Variants in ASPM observed in about 807,000 individuals in gnomAD.
The protein encoded by ASPM is abnormal spindle-like microcephaly-associated protein.
ASPM carries 256 observed loss-of-function variants against 366.4 expected under a neutral mutation model. That is an observed-to-expected ratio of 0.70 (90% CI 0.63 to 0.77). ASPM has a LOEUF of 0.77. Ranked by LOEUF, ASPM falls within the 30% of genes least tolerant of loss-of-function variation. The pLI, the probability that ASPM is intolerant of heterozygous loss-of-function variation, is 0.00. For synonymous variants in ASPM, 1,414 were observed against 1,342.9 expected, an observed-to-expected ratio of 1.05 and a Z score of -1.16; for missense variants, 4,146 against 4,090.4, an observed-to-expected ratio of 1.01 and a Z score of -0.37.
intron 25 of ASPM, 94 bp downstream of exon 25, chr1:197,089,836 A>G (rs1035864785): frequency 1.3e-5 from 15 of 1,188,394 alleles, no homozygotes; most frequent in East Asian, 2.3e-5. Flanking sequence ...TTTAACTTAG[A>G]GATTTAAGCC....
At chr1:197,108,971 CAAAA>C (rs564818123) in intron 17 of ASPM, among the ~76,000 whole-genome samples, 1 of 69,742 alleles carries the variant, frequency 1.4e-5, no homozygotes, top group Non-Finnish European at 2.6e-5. Flanking sequence ...ACCCTGTCTC[CAAAA>C]AAAAAAAAAA....
In ASPM at chr1:197,100,873, A is replaced by T; in HGVS notation, c.8378T>A (p.Met2793Lys). The change falls in exon 18 of 28, where the codon ATG (methionine) becomes AAG (lysine). Residue 2793 changes from methionine to lysine, a missense_variant. By Grantham distance (95) the Met-to-Lys change is moderately conservative. Transcript: ENST00000367409. ...QYEAVQSEGV[M>K]IQEWYKASGL... ...AGAAGCTTTATACCACTCTTGAATC[A>T]TAACACCTTCACTTTGAACAGCTTC... is the stretch of plus-strand genomic sequence containing the variant. 1 of 1,612,686 alleles carries T rather than the reference A, an allele frequency of 6.2e-7. No individual in the cohort carries two copies. Among genetic ancestry groups the T allele is most frequent in the Non-Finnish European group, 8.5e-7 (1 of 1,179,154 alleles).
intron 18 of ASPM, among the ~76,000 whole-genome samples, chr1:197,099,569 T>C (rs943061242): frequency 6.6e-6 from 1 of 151,674 alleles, no homozygotes; most frequent in Non-Finnish European, 1.5e-5. Flanking sequence ...TCCTGAAACA[T>C]ACACTTCTCA....
In ASPM at chr1:197,103,187, C is replaced by T. The variant is rs755324084; in HGVS notation, c.6064G>A (p.Ala2022Thr). 4 of 1,612,542 alleles carry T rather than the reference C, an allele frequency of 2.5e-6. No individual in the cohort carries two copies. Among genetic ancestry groups the T allele is most frequent in the Admixed American group, 1.7e-5 (1 of 59,726 alleles). ...GCTGACTGTAAAGTTACTACAGCTG[C>T]TTTTGTTTTCAAATATAAATGATTC... is the stretch of plus-strand genomic sequence containing the variant. Reference protein sequence around the residue: ...EQNHLYLKTKAAVVTLQSAYR... With the variant: ...EQNHLYLKTKTAVVTLQSAYR... Residue 2022 changes from alanine to threonine, a missense_variant, in exon 18 of 28, where the codon GCA becomes ACA. Around this residue, in one of 3 missense-constraint regions of ASPM, gnomAD observed 3,624 missense variants for 3,591.7 expected, o/e 1.01. Coordinates refer to ENST00000367409, the MANE Select transcript of ASPM (RefSeq NM_018136.5).
chr1:197,098,558 T>G (rs1052700384), intron 18 of ASPM, among the ~76,000 whole-genome samples: 2 of 151,746 alleles, frequency 1.3e-5, no homozygotes, highest in African/African-American at 2.4e-5. Context: ...ATGAACACCT[T>G]TCAATTGTGA....
chr1:197,135,125 TC>T lies in ASPM; in HGVS notation c.2143del (p.Asp715ThrfsTer4). 6 of 1,604,332 alleles carry T rather than the reference TC, an allele frequency of 3.7e-6. No homozygotes were observed. The highest frequency in any genetic ancestry group is 5.1e-6 in the Non-Finnish European group (6 of 1,171,304). ...WWLNFILTPD[D>X]FTVKTNISEV... ...AGAAATATTTGTTTTTACAGTGAAG[TC>T]ATCAGGGGTTAATATAAAATTTAAC... On this transcript the variant is annotated frameshift_variant, in exon 5 of 28. Transcript: ENST00000367409. LOFTEE classifies it high-confidence loss of function.
chr1:197,094,219 T>TCC, intron 19 of ASPM, 39 bp from the exon 20 acceptor site: 1 of 1,285,052 alleles, frequency 7.8e-7, no homozygotes, highest in Non-Finnish European at 1.1e-6. Context: ...CAAATTACTT[T>TCC]AACTTATTCA....
chr1:197,146,599 A>G lies in ASPM; in HGVS notation c.-162T>C, dbSNP rs1318904384. ...TCTTTTCCACTAACCTACTCCCTAG[A>G]AAACAGAAAACAAGCCCAATAAACT... On this transcript the variant is annotated 5_prime_UTR_variant, in exon 1 of 28. Coordinates refer to ENST00000367409, the MANE Select transcript of ASPM (RefSeq NM_018136.5). 1 of 699,610 alleles carries G rather than the reference A, an allele frequency of 1.4e-6. No individual in the cohort carries two copies. The highest frequency in any genetic ancestry group is 2.4e-6 in the Non-Finnish European group (1 of 417,980). 43.3% of individuals were successfully genotyped at this position (699,610 alleles called of 1,614,324 possible). A position where few individuals can be genotyped will look rare whatever the true frequency, so the allele number is the denominator to read the frequency against.
At position 197,088,339 on chromosome 1, in the gene ASPM, T is replaced by A; in HGVS notation, c.10078A>T (p.Lys3360Ter). The change falls in exon 26 of 28, where the codon AAA becomes TAA. Residue 3360 changes from lysine to a stop codon, truncating the protein, a stop_gained. Transcript: ENST00000367409. LOFTEE classifies it high-confidence loss of function. ...ATGCTTCCGCCTTTGTCTGCAACTT[T>A]ATTACCAGGCTTTTCTCGGTATATC... ...LQIYREKPGN[K>*]VADKGGSIFT... 1 of 1,613,478 alleles carries A rather than the reference T, an allele frequency of 6.2e-7. No individual in the cohort carries two copies. The highest frequency in any genetic ancestry group is 8.5e-7 in the Non-Finnish European group (1 of 1,179,684).
intron 4 of ASPM, among the ~76,000 whole-genome samples, chr1:197,138,308 T>A (rs1658479368): frequency 6.7e-6 from 1 of 150,002 alleles, no homozygotes; most frequent in Admixed American, 6.6e-5. Context: ...AGTTCACACC[T>A]TTTTATTTCT....
Position 197,103,169 on chromosome 1 carries a change from G to A in ASPM, c.6082C>T (p.Gln2028Ter), listed in dbSNP as rs1553223496. The change falls in exon 18 of 28, where the codon CAG (glutamine) becomes TAG (stop). Residue 2028 changes from glutamine to a stop codon, truncating the protein, a stop_gained. Coordinates refer to ENST00000367409, the MANE Select transcript of ASPM (RefSeq NM_018136.5). LOFTEE classifies it high-confidence loss of function. ...LKTKAAVVTL[Q>*]SAYRGMKVRK... ...ACTTTCATACCACGATAAGCTGACT[G>A]TAAAGTTACTACAGCTGCTTTTGTT... The A allele has an allele frequency of 4.3e-6, 7 of 1,612,604 alleles. No homozygotes were observed. The highest frequency in any genetic ancestry group is 5.9e-6 in the Non-Finnish European group (7 of 1,179,316).
At chr1:197,106,636 T>C (rs1405480723) in intron 17 of ASPM, among the ~76,000 whole-genome samples, 1 of 152,044 alleles carries the variant, frequency 6.6e-6, no homozygotes, top group Non-Finnish European at 1.5e-5. Flanking sequence ...TATGATCATC[T>C]CCTCTCCTAA....
chr1:197,143,182 ATTG>A lies in ASPM; in HGVS notation c.1067_1069del (p.Thr356del). ...AATTTTCTGATAAATTTCATGTGCA[ATTG>A]TTGATTCCAAATGCACAGGCTGTGA... is the stretch of plus-strand genomic sequence containing the variant. On this transcript the variant is annotated inframe_deletion, in exon 3 of 28. Transcript: ENST00000367409. 2 of 1,613,500 alleles carry A rather than the reference ATTG, an allele frequency of 1.2e-6. No individual in the cohort carries two copies. The highest frequency in any genetic ancestry group is 1.7e-4 in the Middle Eastern group (1 of 6,058).
At chr1:197,126,426 T>G (rs1658090194) in intron 10 of ASPM, among the ~76,000 whole-genome samples, 1 of 102,850 alleles carries the variant, frequency 9.7e-6, no homozygotes, top group Non-Finnish European at 1.8e-5. Context: ...GGTGACAGAG[T>G]GAGACTCTGT....
At position 197,092,018 on chromosome 1, in the gene ASPM, G is replaced by C. The variant is rs1183718166; in HGVS notation, c.9333C>G (p.Phe3111Leu). 1 of 1,611,986 alleles carries C rather than the reference G, an allele frequency of 6.2e-7. No homozygotes were observed. The highest frequency in any genetic ancestry group is 1.3e-5 in the African/African-American group (1 of 74,916). ...TCAGGTGATAATATGCAGCTGCAGT[G>C]AAGTGAAGAAGTCGAATTTTGGCTC... The part of the protein sequence containing the change: ...EQRAKIRLLH[F>L]TAAAYYHLNA... The change falls in exon 22 of 28, where the codon TTC (phenylalanine) becomes TTG (leucine). Residue 3111 changes from phenylalanine to leucine, a missense_variant. Physicochemically the swap from Phe to Leu is conservative, Grantham distance 22. Around this residue, in one of 3 missense-constraint regions of ASPM, gnomAD observed 3,624 missense variants for 3,591.7 expected, o/e 1.01. Coordinates refer to ENST00000367409, the MANE Select transcript of ASPM (RefSeq NM_018136.5).
chr1:197,133,171 A>G (rs1658315353), intron 6 of ASPM, among the ~76,000 whole-genome samples, 179 bp downstream of exon 6: 1 of 152,246 alleles, frequency 6.6e-6, no homozygotes, highest in African/African-American at 2.4e-5. Flanking sequence ...AGATACATTA[A>G]TTAGCTTGAT....
rs587783272 is a variant in ASPM at position 197,101,426 on chromosome 1, G to T, written c.7825C>A (p.Gln2609Lys). The change falls in exon 18 of 28, where the codon CAG (glutamine) becomes AAG (lysine). Residue 2609 changes from glutamine (Q) to lysine (K), a missense_variant. Transcript: ENST00000367409. ...ATGTTCATGTCCTGAAAACCTGCCT[G>T]AACACAAGTCTCTTTCTTAAGTTCA... is the stretch of plus-strand genomic sequence containing the variant. Reference protein sequence around the residue: ...HNELKKETCVQAGFQDMNIKK... With the variant: ...HNELKKETCVKAGFQDMNIKK... The T allele has an allele frequency of 6.2e-7, 1 of 1,608,472 alleles. No homozygotes were observed. Among genetic ancestry groups the T allele is most frequent in the Non-Finnish European group, 8.5e-7 (1 of 1,178,970 alleles).
rs751830545 is a variant in ASPM, at chr1:197,119,957, C to T, written c.3870+1958G>A. Among the ~76,000 whole-genome samples, 16 of 152,002 alleles carry T rather than the reference C, an allele frequency of 1.1e-4. 1 individual carries two copies. Among genetic ancestry groups the T allele is most frequent in the Non-Finnish European group, 2.1e-4 (14 of 67,974 alleles). ...TAATATGTTTAGTAGCTTGCAATAA[C>T]ATAGGGAGCCTGCTGCTTAATGTTC... is the stretch of plus-strand genomic sequence containing the variant. On this transcript the variant is annotated intron_variant, in intron 16 of 27. Coordinates refer to ENST00000367409, the MANE Select transcript of ASPM (RefSeq NM_018136.5).
rs780675188 is a variant in ASPM, at chr1:197,086,893, G to A, written c.10241C>T (p.Thr3414Ile). 2 of 1,611,328 alleles carry A rather than the reference G, an allele frequency of 1.2e-6. No individual in the cohort carries two copies. Among genetic ancestry groups the A allele is most frequent in the South Asian group, 2.2e-5 (2 of 90,990 alleles). The change falls in exon 27 of 28, where the codon ACT (threonine) becomes ATT (isoleucine). Residue 3414 changes from threonine to isoleucine, a missense_variant. By Grantham distance (89) the Thr-to-Ile change is moderately conservative. Transcript: ENST00000367409. ...KLTAHKHKMN[T>I]ERILYKQKKN... ...CTTTTGCTTGTAAAGTATTCTTTCA[G>A]TATTCATTTTATGTTTATGAGCTGT...
Sources: gnomAD v4.1 joint callset for allele counts (sites outside exome capture counted in the v4.1 genomes callset) on GRCh38, gnomAD v4.1.1 for gene constraint, gnomAD v4.1.1 regional missense constraint, MANE v1.5 for transcripts, NCBI Gene and HGNC (gene_info 2026-07-23, HGNC 2026-07-21) for gene names.